The following WWOX variants were observed in gnomAD, a reference collection of about 807,000 sequenced individuals.
The protein encoded by WWOX is WW domain containing oxidoreductase.
Under a neutral mutation model 46.2 loss-of-function variants are expected in WWOX, and 69 were observed. That is an observed-to-expected ratio of 1.49 (90% CI 1.23 to 1.82). The LOEUF is 1.82. WWOX is among the 40% of genes most tolerant of loss of function. The probability of loss-of-function intolerance (pLI) is 0.00; values close to 1 mark genes in which losing one functional copy is unlikely to be tolerated. For synonymous variants in WWOX, 359 were observed against 202.6 expected, an observed-to-expected ratio of 1.77 and a Z score of -6.56; for missense variants, 919 against 542.6, an observed-to-expected ratio of 1.69 and a Z score of -6.89.
chr16:79,107,820 TTAAAA>T (rs1333409256), intron 8 of WWOX, among the ~76,000 whole-genome samples: 2 of 152,130 alleles, frequency 1.3e-5, no homozygotes, highest in African/African-American at 4.8e-5. Flanking sequence ...TAATCACAAA[TTAAAA>T]TAGCCATAAT....
chr16:78,539,743 T>C (rs1310779986), intron 8 of WWOX, among the ~76,000 whole-genome samples: 1 of 152,186 alleles, frequency 6.6e-6, no homozygotes, highest in Non-Finnish European at 1.5e-5. Flanking sequence ...TAATTAGTAA[T>C]GCTAATGTCG....
chr16:78,248,864 CT>C (rs869134108), intron 5 of WWOX, among the ~76,000 whole-genome samples: 11,468 of 117,348 alleles, frequency 0.098, 299 homozygotes, highest in Non-Finnish European at 0.12. Context: ...GCCCCCCGGC[CT>C]TTTTTTTTTT....
At chr16:78,183,277 C>G (rs1391848444) in intron 5 of WWOX, among the ~76,000 whole-genome samples, 1 of 152,084 alleles carries the variant, frequency 6.6e-6, no homozygotes, top group Non-Finnish European at 1.5e-5. Flanking sequence ...GGCGGTGTGG[C>G]TGGGGAGGGA....
chr16:78,808,735 C>G (rs1193831395), intron 8 of WWOX, among the ~76,000 whole-genome samples: 1 of 152,144 alleles, frequency 6.6e-6, no homozygotes, highest in East Asian at 1.9e-4. Flanking sequence ...TATCCTACGT[C>G]AAAGATGAGT....
At chr16:78,355,668 A>T in intron 5 of WWOX, 1 of 723,458 alleles carries the variant, frequency 1.4e-6, no homozygotes, top group South Asian at 1.3e-5. Context: ...ACTTATGATC[A>T]ACATTTAAAT....
In WWOX at chr16:78,826,645, G is replaced by A. The variant is rs7204559; in HGVS notation, c.1057-384963G>A. Among the ~76,000 whole-genome samples the A allele has an allele frequency of 2.3e-4, 35 of 152,026 alleles. 1 individual carries two copies. Among genetic ancestry groups the A allele is most frequent in the Admixed American group, 6.5e-5 (1 of 15,272 alleles). On this transcript the variant is annotated intron_variant, in intron 8 of 8. Coordinates refer to ENST00000566780, the MANE Select transcript of WWOX (RefSeq NM_016373.4). Reference sequence around the variant, plus strand: ...TTAGGGTCTTCCTGGCTGATCTCATGTCAAGATCCGTAACTTAATTACATC... The same window carrying A: ...TTAGGGTCTTCCTGGCTGATCTCATATCAAGATCCGTAACTTAATTACATC...
At chr16:78,437,375 T>A (rs2083357471) in intron 8 of WWOX, among the ~76,000 whole-genome samples, 1 of 152,266 alleles carries the variant, frequency 6.6e-6, no homozygotes, top group African/African-American at 2.4e-5. Context: ...TGCAACTTTA[T>A]TAAATGTGAT....
At chr16:78,462,477 G>C (rs1207694755) in intron 8 of WWOX, among the ~76,000 whole-genome samples, 1 of 152,134 alleles carries the variant, frequency 6.6e-6, no homozygotes, top group Non-Finnish European at 1.5e-5. Flanking sequence ...TATTAAGCAG[G>C]TATTTCCTTA....
chr16:78,693,027 G>A (rs2048025943), intron 8 of WWOX, among the ~76,000 whole-genome samples: 1 of 152,178 alleles, frequency 6.6e-6, no homozygotes, highest in Non-Finnish European at 1.5e-5. Flanking sequence ...CCAACCATAT[G>A]GACATCATAT....
intron 8 of WWOX, among the ~76,000 whole-genome samples, chr16:78,444,283 C>G (rs999413127): frequency 6.6e-6 from 1 of 152,044 alleles, no homozygotes; most frequent in Admixed American, 6.6e-5. Flanking sequence ...CTGAGCAAAT[C>G]ACTTATCCTC....
At chr16:78,461,816 A>G (rs1020294891) in intron 8 of WWOX, among the ~76,000 whole-genome samples, 1 of 152,082 alleles carries the variant, frequency 6.6e-6, no homozygotes, top group Non-Finnish European at 1.5e-5. Context: ...TACTCTATTT[A>G]TTTTAGGGGA....
chr16:78,663,545 A>T (rs560373697), intron 8 of WWOX, among the ~76,000 whole-genome samples: 2 of 152,146 alleles, frequency 1.3e-5, no homozygotes, highest in South Asian at 4.1e-4. Flanking sequence ...TCTGATTTCT[A>T]TTATGAGTAA....
At chr16:78,794,607 C>T (rs1380665052) in intron 8 of WWOX, among the ~76,000 whole-genome samples, 1 of 152,134 alleles carries the variant, frequency 6.6e-6, no homozygotes, top group African/African-American at 2.4e-5. Context: ...ACTAAAGTAC[C>T]ATCTTCATGT....
At chr16:78,651,605 G>T (rs1301119512) in intron 8 of WWOX, among the ~76,000 whole-genome samples, 1 of 152,140 alleles carries the variant, frequency 6.6e-6, no homozygotes, top group Non-Finnish European at 1.5e-5. Flanking sequence ...TTTTTGCCTA[G>T]AACCTCAGTG....
In WWOX at chr16:78,145,478, A is replaced by G. The variant is rs373450579; in HGVS notation, c.410-18705A>G. On this transcript the variant is annotated intron_variant, in intron 4 of 8. Coordinates refer to ENST00000566780, the MANE Select transcript of WWOX (RefSeq NM_016373.4). ...GAAGGATCCAGCATGGGAGAAAGAT[A>G]AAGGCCGGAAGACTCAGCAAGTGTG... 1.8e-4 allele frequency among the ~76,000 whole-genome samples: 27 copies of G among 152,282 alleles called. No homozygotes were observed. In the South Asian group the frequency reaches 5.4e-3, roughly 30 times the overall value.
intron 8 of WWOX, among the ~76,000 whole-genome samples, chr16:78,559,451 G>C (rs1216640626): frequency 3.3e-5 from 5 of 152,124 alleles, no homozygotes; most frequent in Non-Finnish European, 7.3e-5. Flanking sequence ...GAGACTGGGA[G>C]AAAGAGATGT....
intron 8 of WWOX, among the ~76,000 whole-genome samples, chr16:78,893,414 G>C (rs2044633934): frequency 6.6e-6 from 1 of 152,052 alleles, no homozygotes; most frequent in South Asian, 2.1e-4. Flanking sequence ...TGTTTAAATA[G>C]TTTGGATTGA....
intron 8 of WWOX, among the ~76,000 whole-genome samples, chr16:78,917,341 A>G (rs2045275724): frequency 6.6e-6 from 1 of 152,212 alleles, no homozygotes; most frequent in African/African-American, 2.4e-5. Flanking sequence ...TCCCACACTC[A>G]AATAAACATC....
intron 5 of WWOX, among the ~76,000 whole-genome samples, chr16:78,224,886 A>G (rs949338576): frequency 3.3e-5 from 5 of 152,096 alleles, no homozygotes; most frequent in South Asian, 2.1e-4. Context: ...TGTGTTAACA[A>G]TTTCTTTCTT....
Sources: gnomAD v4.1 joint callset for allele counts (sites outside exome capture counted in the v4.1 genomes callset) on GRCh38, gnomAD v4.1.1 for gene constraint, MANE v1.5 for transcripts, NCBI Gene and HGNC (gene_info 2026-07-23, HGNC 2026-07-21) for gene names.